The following FRYL variants were observed in gnomAD, a reference collection of about 807,000 sequenced individuals.
FRYL encodes the protein FRY like transcription coactivator, also known as protein furry homolog-like.
In FRYL, 150 loss-of-function variants were observed where a neutral mutation model predicts 351.2. That is an observed-to-expected ratio of 0.43 (90% CI 0.37 to 0.49). FRYL has a LOEUF of 0.49. Ranked by LOEUF, FRYL falls within the 20% of genes least tolerant of loss-of-function variation. The pLI is 0.00. For missense variants in FRYL, 3,036 were observed against 3,619.3 expected (o/e 0.84, Z 4.13); for synonymous variants, 1,153 against 1,257.1 (o/e 0.92, Z 1.75).
At chr4:48,756,138 C>G (rs560058674) in intron 1 of FRYL, among the ~76,000 whole-genome samples, 10 of 149,626 alleles carry the variant, frequency 6.7e-5, no homozygotes, top group African/African-American at 2.2e-4. Flanking sequence ...GAGGCCGAGG[C>G]GGGAAGAATT....
At position 48,510,961 on chromosome 4, in the gene FRYL, T is replaced by C. The variant is rs1357926493; in HGVS notation, c.8169A>G (p.Glu2723=). 38 of 1,611,838 alleles carry C rather than the reference T, an allele frequency of 2.4e-5. No homozygotes were observed. The Admixed American group carries it at 2.7e-4, about 11-fold the overall frequency. Residue 2723 remains glutamate, a synonymous_variant, in exon 58 of 64, where the codon GAA becomes GAG. Coordinates refer to ENST00000358350, the MANE Select transcript of FRYL (RefSeq NM_015030.2). The part of the protein sequence containing the change: ...LFQTIQRKFG[E]ITNEAVSFLG... ...GAAAGCTGACTGCCTCATTAGTTAT[T>C]TCTCCAAACTTTCTTTGAATTGTCT... is the stretch of plus-strand genomic sequence containing the variant.
At chr4:48,576,862 A>G (rs1477942428) in intron 23 of FRYL, among the ~76,000 whole-genome samples, 1 of 152,194 alleles carries the variant, frequency 6.6e-6, no homozygotes, top group Non-Finnish European at 1.5e-5. Flanking sequence ...CATATTCTAT[A>G]TATCTTTAAT....
At chr4:48,663,352 T>C (rs1361111735) in intron 3 of FRYL, among the ~76,000 whole-genome samples, 1 of 150,202 alleles carries the variant, frequency 6.7e-6, no homozygotes, top group Admixed American at 6.6e-5. Context: ...TTTAATTTAA[T>C]TTATATATAC....
intron 1 of FRYL, among the ~76,000 whole-genome samples, chr4:48,775,609 C>T (rs1775935514): frequency 2.0e-5 from 3 of 152,280 alleles, no homozygotes; most frequent in South Asian, 4.1e-4. Flanking sequence ...AGCAACTTAA[C>T]GTTTGAGTGA....
intron 49 of FRYL, among the ~76,000 whole-genome samples, chr4:48,532,493 A>G (rs1015418690): frequency 4.6e-5 from 7 of 152,178 alleles, no homozygotes; most frequent in African/African-American, 1.7e-4. Context: ...CCCCATCTCT[A>G]CTAAAAATAC....
chr4:48,530,219 G>A (rs1487880153), intron 50 of FRYL, among the ~76,000 whole-genome samples: 1 of 152,086 alleles, frequency 6.6e-6, no homozygotes, highest in East Asian at 1.9e-4. Flanking sequence ...CTCTTGAGTG[G>A]TGCAACATTG....
At chr4:48,592,843 T>A (rs1011623019) in intron 16 of FRYL, among the ~76,000 whole-genome samples, 2 of 152,280 alleles carry the variant, frequency 1.3e-5, no homozygotes, top group Admixed American at 1.3e-4. Context: ...AGCTGCATTA[T>A]CTTTCCAACT....
At chr4:48,669,872 T>C (rs1473189063) in intron 3 of FRYL, among the ~76,000 whole-genome samples, 7 of 152,056 alleles carry the variant, frequency 4.6e-5, no homozygotes, top group Admixed American at 6.5e-5. Flanking sequence ...CGTGTAACTT[T>C]GGGAGGCAGT....
chr4:48,731,581 C>T (rs1254011941), intron 1 of FRYL, among the ~76,000 whole-genome samples: 2 of 152,174 alleles, frequency 1.3e-5, no homozygotes, highest in East Asian at 1.9e-4. Context: ...GGTACCAAAA[C>T]AGAGATATAG....
intron 3 of FRYL, among the ~76,000 whole-genome samples, chr4:48,679,041 G>A (rs1300621373): frequency 2.0e-5 from 3 of 152,152 alleles, no homozygotes; most frequent in African/African-American, 4.8e-5. Context: ...TATGTAGGCT[G>A]TAGTAAAGTG....
In FRYL at chr4:48,543,952, G is replaced by A; in HGVS notation, c.5447C>T (p.Thr1816Ile). ...EHHLSEVALQ[T>I]ALSCSSRHYA... ...GTGTCGAGAAGAACAGGAAAGTGCT[G>A]TTTGCAGAGCAACTTCACTAAGATG... Residue 1816 changes from threonine (T) to isoleucine (I), a missense_variant, in exon 44 of 64, where the codon ACA (threonine) becomes ATA (isoleucine). By Grantham distance (89) the Thr-to-Ile change is moderately conservative. This residue lies in a region of FRYL where 1,987 missense variants were observed against 2,311.7 expected (regional missense o/e 0.86). Transcript: ENST00000358350. 6.2e-7 allele frequency: 1 copy of A among 1,613,830 alleles called. No homozygotes were observed. Among genetic ancestry groups the A allele is most frequent in the Non-Finnish European group, 8.5e-7 (1 of 1,179,812 alleles).
intron 1 of FRYL, among the ~76,000 whole-genome samples, chr4:48,726,207 A>T (rs1770066963): frequency 6.6e-6 from 1 of 152,238 alleles, no homozygotes. Context: ...GACACTTTCA[A>T]GAAAACACGA....
At position 48,594,007 on chromosome 4, in the gene FRYL, C is replaced by G; in HGVS notation, c.1258G>C (p.Asp420His). The G allele has an allele frequency of 6.8e-7, 1 of 1,469,362 alleles. No homozygotes were observed. The highest frequency in any genetic ancestry group is 9.0e-7 in the Non-Finnish European group (1 of 1,107,806). 91.0% of individuals were successfully genotyped at this position (1,469,362 alleles called of 1,614,324 possible). Reference sequence around the variant, plus strand: ...AATATTATTTCTTTCATTGCAAAATCCAAGCGTTCCTTAAAAAAAAAAAAA... The same window carrying G: ...AATATTATTTCTTTCATTGCAAAATGCAAGCGTTCCTTAAAAAAAAAAAAA... ...IIQFIAQERL[D>H]FAMKEIIFDL... Residue 420 changes from aspartate to histidine, a missense_variant, in exon 16 of 64, where the codon GAT becomes CAT. By Grantham distance (81) the Asp-to-His change is moderately conservative. Coordinates refer to ENST00000358350, the MANE Select transcript of FRYL (RefSeq NM_015030.2).
Position 48,709,842 on chromosome 4 carries a change from T to C in FRYL, c.-204+677A>G, listed in dbSNP as rs1284697268. ...CTTTATCTAATACCACATTTTCCAT[T>C]TGGTAACTTACTTCTCTATTATGCT... is the stretch of plus-strand genomic sequence containing the variant. On this transcript the variant is annotated intron_variant, in intron 2 of 63. Transcript: ENST00000358350. Among the ~76,000 whole-genome samples the C allele has an allele frequency of 6.6e-5, 10 of 152,346 alleles. No homozygotes were observed. In the East Asian group the frequency reaches 1.9e-3, roughly 29 times the overall value.
At chr4:48,708,926 T>TTTG (rs1767698193) in intron 2 of FRYL, among the ~76,000 whole-genome samples, 1 of 149,822 alleles carries the variant, frequency 6.7e-6, no homozygotes. Flanking sequence ...TTTTTTGTTT[T>TTTG]TTGTTTTTTT....
chr4:48,696,697 A>AAT (rs1330650028), intron 2 of FRYL, among the ~76,000 whole-genome samples: 7 of 151,960 alleles, frequency 4.6e-5, no homozygotes, highest in East Asian at 1.9e-4. Flanking sequence ...AGTATAATAA[A>AAT]ATATATATAT....
At position 48,606,717 on chromosome 4, in the gene FRYL, C is replaced by T. The variant is rs111360564; in HGVS notation, c.573-111G>A. On this transcript the variant is annotated intron_variant, in intron 9 of 63. Transcript: ENST00000358350. ...GCTACCTAAATATCATCTCCTTTCT[C>T]TACCTTCATTACAATTGCCAGAAAG... The T allele has an allele frequency of 1.4e-3, 1,071 of 738,816 alleles. 8 individuals are homozygous for T. In the African/African-American group the frequency reaches 0.016, roughly 11 times the overall value. The allele number at this position is 738,816 out of a possible 1,614,324, so 45.8% of individuals were successfully genotyped here. A position where few individuals can be genotyped will look rare whatever the true frequency, so the allele number is the denominator to read the frequency against.
intron 4 of FRYL, among the ~76,000 whole-genome samples, chr4:48,630,740 T>C (rs1454396924): frequency 6.6e-6 from 1 of 152,206 alleles, no homozygotes; most frequent in Non-Finnish European, 1.5e-5. Context: ...TCTTTTATTA[T>C]GGTTTCTAAT....
chr4:48,502,427 C>A (rs1043461416), intron 61 of FRYL, among the ~76,000 whole-genome samples: 3 of 151,826 alleles, frequency 2.0e-5, no homozygotes, highest in Admixed American at 6.6e-5. Flanking sequence ...TGTATGTAAT[C>A]CCAGCTACTG....
Sources: allele counts gnomAD v4.1 joint callset (sites outside exome capture counted in the v4.1 genomes callset), GRCh38; gene constraint gnomAD v4.1.1; regional missense constraint gnomAD v4.1.1; transcripts MANE v1.5; gene names NCBI Gene and HGNC (gene_info 2026-07-23, HGNC 2026-07-21).